HOXC4: variants seen among roughly 807,000 people sequenced by gnomAD.
HOXC4 encodes the protein homeobox protein Hox-C4.
HOXC4 carries 15 observed loss-of-function variants against 25.5 expected under a neutral mutation model. That is an observed-to-expected ratio of 0.59 (90% CI 0.39 to 0.91). HOXC4 has a LOEUF of 0.91. HOXC4 is among the 40% of genes least tolerant of loss of function. HOXC4 has a pLI of 0.00. For missense variants in HOXC4, 342 were observed against 352.4 expected (o/e 0.97, Z 0.24); for synonymous variants, 165 against 148.0 (o/e 1.11, Z -0.83).
chr12:54,045,463 T>A (rs978968685), intron 1 of HOXC4, among the ~76,000 whole-genome samples: 1 of 152,250 alleles, frequency 6.6e-6, no homozygotes, highest in Non-Finnish European at 1.5e-5. Flanking sequence ...AAGAACTATG[T>A]GTGTGTTCAA....
At chr12:54,048,445 A>C (rs1183437650) in intron 1 of HOXC4, among the ~76,000 whole-genome samples, 3 of 152,192 alleles carry the variant, frequency 2.0e-5, no homozygotes, top group African/African-American at 7.2e-5. Flanking sequence ...GGGAAACCTT[A>C]TAAAATCTCC....
chr12:54,033,194 T>C (rs750710324), intron 1 of HOXC4: 49 of 1,614,026 alleles, frequency 3.0e-5, no homozygotes, highest in Non-Finnish European at 4.1e-5. Flanking sequence ...TGCAAACTTG[T>C]GGGAACTATG....
chr12:54,017,566 G>C (rs551029934), intron 1 of HOXC4, among the ~76,000 whole-genome samples: 90 of 151,990 alleles, frequency 5.9e-4, no homozygotes, highest in African/African-American at 2.1e-3. Flanking sequence ...TTGGCGGGGG[G>C]AGAGAAACGG....
intron 1 of HOXC4, among the ~76,000 whole-genome samples, chr12:54,044,770 A>G (rs980394952): frequency 2.0e-5 from 3 of 151,836 alleles, no homozygotes; most frequent in East Asian, 1.9e-4. Flanking sequence ...TCACATCTCT[A>G]TGTACCAAAC....
At chr12:54,049,255 G>A (rs773604690), upstream of HOXC4, among the ~76,000 whole-genome samples, 63 of 152,164 alleles carry the variant, frequency 4.1e-4, no homozygotes, top group Non-Finnish European at 7.4e-4. Flanking sequence ...GGCCATTTGC[G>A]AAGAGACAAA....
intron 1 of HOXC4, among the ~76,000 whole-genome samples, chr12:54,032,592 A>G (rs887247019): frequency 7.2e-5 from 11 of 152,228 alleles, no homozygotes; most frequent in Admixed American, 5.2e-4. Context: ...TCTGTGCGTT[A>G]TAAGTGGGGC....
chr12:54,029,941 AGAG>A (rs1565742570), intron 1 of HOXC4: 4 of 1,590,682 alleles, frequency 2.5e-6, no homozygotes, highest in Admixed American at 3.5e-5. Context: ...AAGAGACAGA[AGAG>A]GAGAAGCAGA....
chr12:54,029,035 C>A (rs1474625982), intron 1 of HOXC4: 3 of 1,017,082 alleles, frequency 2.9e-6, no homozygotes, highest in Non-Finnish European at 4.2e-6. Context: ...AACAATCACG[C>A]TCGTCTCCTC....
At chr12:54,032,317 C>T (rs2136444620) in intron 1 of HOXC4, among the ~76,000 whole-genome samples, 1 of 152,350 alleles carries the variant, frequency 6.6e-6, no homozygotes, top group African/African-American at 2.4e-5. Flanking sequence ...ACTCAGGATC[C>T]CTCCTCCTGG....
intron 1 of HOXC4, among the ~76,000 whole-genome samples, chr12:54,047,507 GA>G (rs1937745078): frequency 1.3e-5 from 2 of 152,342 alleles, no homozygotes; most frequent in South Asian, 4.1e-4. Flanking sequence ...GGAGGACTCG[GA>G]AATACACAAA....
chr12:54,054,274 A>T lies in HOXC4; in HGVS notation c.352A>T (p.Ser118Cys). The T allele has an allele frequency of 6.4e-7, 1 of 1,570,756 alleles. No homozygotes were observed. The highest frequency in any genetic ancestry group is 8.6e-7 in the Non-Finnish European group (1 of 1,158,432). Residue 118 changes from serine (S) to cysteine (C), a missense_variant, in exon 1 of 2, where the codon AGC (serine) becomes TGC (cysteine). Transcript: ENST00000430889. ...ASPSPAPPAC[S>C]QPAPDHPSSA... ...CCCGTCCCCAGCCCCGCCAGCCTGC[A>T]GCCAGCCAGCCCCCGACCATCCCTC...
At chr12:54,043,918 C>CTGTGTGTGTGTG (rs71444829) in intron 1 of HOXC4, among the ~76,000 whole-genome samples, 5 of 127,272 alleles carry the variant, frequency 3.9e-5, no homozygotes, top group Non-Finnish European at 4.9e-5. Flanking sequence ...AAAACACAGG[C>CTGTGTGTGTGTG]TGTGTGTGTG....
chr12:54,024,445 C>T (rs984336083), intron 1 of HOXC4, among the ~76,000 whole-genome samples: 1 of 152,142 alleles, frequency 6.6e-6, no homozygotes, highest in Admixed American at 6.5e-5. Flanking sequence ...TACAAACATC[C>T]GCGCAGAGTT....
At chr12:54,034,245 C>A in intron 1 of HOXC4, 3 of 1,581,216 alleles carry the variant, frequency 1.9e-6, no homozygotes, top group South Asian at 2.2e-5. Context: ...GCTATTCACC[C>A]CTTCCTGGCT....
chr12:54,041,459 C>A (rs1030466527), intron 1 of HOXC4, among the ~76,000 whole-genome samples: 2 of 152,202 alleles, frequency 1.3e-5, no homozygotes, highest in East Asian at 1.9e-4. Flanking sequence ...CCTCTAAGCA[C>A]CCCCCTGGGG....
At chr12:54,034,594 C>A in intron 1 of HOXC4, 1 of 933,380 alleles carries the variant, frequency 1.1e-6, no homozygotes, top group Non-Finnish European at 1.6e-6. Context: ...GGGGCAGGTG[C>A]TGGAGCACTG....
chr12:54,021,144 G>A (rs1209502331), intron 1 of HOXC4: 1 of 152,552 alleles, frequency 6.6e-6, no homozygotes, highest in Non-Finnish European at 1.5e-5. Context: ...GAAAAGGCAA[G>A]CCAAAAGGGG....
intron 1 of HOXC4, among the ~76,000 whole-genome samples, chr12:54,041,718 C>T (rs750219128): frequency 7.2e-5 from 11 of 152,236 alleles, no homozygotes; most frequent in Non-Finnish European, 1.5e-4. Flanking sequence ...CTCTTGTCGC[C>T]CCGGCTGGAG....
intron 1 of HOXC4, among the ~76,000 whole-genome samples, chr12:54,025,361 T>G (rs1940643746): frequency 6.6e-6 from 1 of 152,004 alleles, no homozygotes; most frequent in Non-Finnish European, 1.5e-5. Flanking sequence ...AAAATAAAAT[T>G]AACATGAAAT....
Sources: gnomAD v4.1 joint callset for allele counts (sites outside exome capture counted in the v4.1 genomes callset) on GRCh38, gnomAD v4.1.1 for gene constraint, MANE v1.5 for transcripts, NCBI Gene and HGNC (gene_info 2026-07-23, HGNC 2026-07-21) for gene names.